Variants in ZFHX3 observed in about 807,000 individuals in gnomAD.
The protein encoded by ZFHX3 is zinc finger homeobox protein 3.
A neutral mutation model predicts 279.1 loss-of-function variants in ZFHX3; 42 were observed. The ratio of observed to expected loss-of-function variants is 0.15; its 90% confidence interval spans 0.12 to 0.19. The LOEUF (loss-of-function observed/expected upper bound fraction) is 0.19, where lower values mean the gene tolerates loss of function less well. ZFHX3 is among the 10% of genes least tolerant of loss of function. The probability of loss-of-function intolerance (pLI) is 1.00; values close to 1 mark genes in which losing one functional copy is unlikely to be tolerated. For missense variants in ZFHX3, 4,981 were observed against 4,754.0 expected (o/e 1.05, Z -1.40); for synonymous variants, 2,293 against 1,957.8 (o/e 1.17, Z -4.52).
chr16:73,398,695 C>T (rs2017181156), intron 3 of ZFHX3, among the ~76,000 whole-genome samples: 1 of 152,120 alleles, frequency 6.6e-6, no homozygotes, highest in Non-Finnish European at 1.5e-5. Context: ...GCATGGGATC[C>T]CCAGATGCCA....
intron 4 of ZFHX3, among the ~76,000 whole-genome samples, chr16:73,318,054 C>T (rs565187542): frequency 6.6e-6 from 1 of 152,172 alleles, no homozygotes; most frequent in Non-Finnish European, 1.5e-5. Flanking sequence ...AAATGCCAAA[C>T]CAGAAGTGCA....
intron 4 of ZFHX3, among the ~76,000 whole-genome samples, chr16:73,294,973 G>A (rs2014873119): frequency 1.3e-5 from 2 of 151,950 alleles, no homozygotes; most frequent in Admixed American, 1.3e-4. Context: ...CAGCACTTTC[G>A]GAGGCCGAGA....
intron 3 of ZFHX3, among the ~76,000 whole-genome samples, chr16:73,407,433 G>C (rs147793245): frequency 6.6e-6 from 1 of 152,222 alleles, no homozygotes; most frequent in African/African-American, 2.4e-5. Context: ...TATCATCAAT[G>C]CTCTGAGACC....
At chr16:73,521,288 C>G (rs2019604861) in intron 2 of ZFHX3, among the ~76,000 whole-genome samples, 1 of 152,102 alleles carries the variant, frequency 6.6e-6, no homozygotes, top group Non-Finnish European at 1.5e-5. Context: ...TCATATCTAC[C>G]TTAAAGGTTT....
chr16:73,015,399 G>C (rs1376678751), intron 1 of ZFHX3: 1 of 152,034 alleles, frequency 6.6e-6, no homozygotes. Context: ...GCATTAGACA[G>C]AAAAAACCTC....
intron 4 of ZFHX3, among the ~76,000 whole-genome samples, chr16:73,301,094 T>C (rs1467059864): frequency 1.3e-5 from 2 of 152,340 alleles, no homozygotes; most frequent in South Asian, 2.1e-4. Flanking sequence ...GCTATCTTTT[T>C]CCAGAAGTCT....
chr16:73,464,223 G>A (rs1331539275), intron 2 of ZFHX3, among the ~76,000 whole-genome samples: 3 of 151,770 alleles, frequency 2.0e-5, no homozygotes, highest in African/African-American at 7.3e-5. Context: ...AGAGAGAGAG[G>A]GAGAGAGAGG....
At chr16:73,008,348 A>G (rs867885110) in intron 1 of ZFHX3, among the ~76,000 whole-genome samples, 19 of 152,318 alleles carry the variant, frequency 1.2e-4, no homozygotes, top group Middle Eastern at 6.8e-3. Flanking sequence ...ATATTTTTAA[A>G]TTTTCAAGTA....
At chr16:73,139,092 T>C (rs1966839484) in intron 6 of ZFHX3, among the ~76,000 whole-genome samples, 1 of 152,170 alleles carries the variant, frequency 6.6e-6, no homozygotes, top group African/African-American at 2.4e-5. Context: ...CAGAAATTTA[T>C]CCTAATGAGA....
chr16:73,660,554 T>TAA (rs541794803), intron 2 of ZFHX3, among the ~76,000 whole-genome samples: 92 of 152,300 alleles, frequency 6.0e-4, no homozygotes, highest in African/African-American at 2.2e-3. Flanking sequence ...ATATAAACAT[T>TAA]AAAGATTTTT....
At chr16:73,600,574 C>T (rs936303604) in intron 2 of ZFHX3, among the ~76,000 whole-genome samples, 10 of 152,000 alleles carry the variant, frequency 6.6e-5, no homozygotes, top group East Asian at 5.8e-4. Flanking sequence ...CCCGCCACCA[C>T]GCCCGGCCAA....
Position 73,447,180 on chromosome 16 carries a change from CAA to C in ZFHX3, c.-1291+8821_-1291+8822del, listed in dbSNP as rs61445002. 1.9e-3 allele frequency among the ~76,000 whole-genome samples: 175 copies of C among 90,528 alleles called. 1 individual carries two copies. The highest frequency in any genetic ancestry group is 5.2e-3 in the African/African-American group (146 of 28,314). 59.4% of individuals were successfully genotyped at this position (90,528 alleles called of 152,430 possible). ...TGGGCAACAGAGCAAGACTCCATCT[CAA>C]AAAAAAAAAAAAAAATGTAAAACAC... On this transcript the variant is annotated intron_variant, in intron 3 of 17. Coordinates refer to the ZFHX3 transcript ENST00000641206.
At chr16:73,678,956 T>C (rs2052982876) in intron 2 of ZFHX3, among the ~76,000 whole-genome samples, 1 of 152,154 alleles carries the variant, frequency 6.6e-6, no homozygotes, top group Non-Finnish European at 1.5e-5. Context: ...CAACACCAGA[T>C]GACCAAGAAT....
At chr16:73,526,684 T>C (rs1307964121) in intron 2 of ZFHX3, among the ~76,000 whole-genome samples, 1 of 152,138 alleles carries the variant, frequency 6.6e-6, no homozygotes, top group Non-Finnish European at 1.5e-5. Context: ...TTAAACCATG[T>C]TTATCTGAGC....
At chr16:73,091,364 T>A (rs910513517) in intron 8 of ZFHX3, among the ~76,000 whole-genome samples, 26 of 152,152 alleles carry the variant, frequency 1.7e-4, no homozygotes, top group Non-Finnish European at 4.4e-5. Context: ...GGCAATGGCT[T>A]TCAGTGGCTG....
chr16:73,396,748 A>T (rs552707049), intron 3 of ZFHX3, among the ~76,000 whole-genome samples: 1 of 152,314 alleles, frequency 6.6e-6, no homozygotes, highest in African/African-American at 2.4e-5. Flanking sequence ...ACCTCCCACC[A>T]GGTCCCTCCC....
chr16:73,470,990 G>C (rs2018655834), intron 2 of ZFHX3, among the ~76,000 whole-genome samples: 1 of 152,184 alleles, frequency 6.6e-6, no homozygotes, highest in Non-Finnish European at 1.5e-5. Flanking sequence ...GGATTCTACA[G>C]TGTGGTTTGA....
chr16:73,658,075 C>G (rs1290885327), intron 2 of ZFHX3, among the ~76,000 whole-genome samples: 7 of 152,122 alleles, frequency 4.6e-5, no homozygotes, highest in Non-Finnish European at 8.8e-5. Context: ...ATTTAGTTTT[C>G]TAAAGCTAAT....
At chr16:72,994,398 C>T (rs536910789) in intron 1 of ZFHX3, among the ~76,000 whole-genome samples, 5 of 152,356 alleles carry the variant, frequency 3.3e-5, no homozygotes, top group Middle Eastern at 3.4e-3. Flanking sequence ...GACTTCCCCT[C>T]CCCAAGCCCC....
Sources: gnomAD v4.1 joint callset for allele counts (sites outside exome capture counted in the v4.1 genomes callset) on GRCh38, gnomAD v4.1.1 for gene constraint, MANE v1.5 for transcripts, NCBI Gene and HGNC (gene_info 2026-07-23, HGNC 2026-07-21) for gene names.